The following CDH12 variants were observed in gnomAD, a reference collection of about 807,000 sequenced individuals.
CDH12 encodes cadherin 12.
In CDH12, 41 loss-of-function variants were observed where a neutral mutation model predicts 74.1. The ratio of observed to expected loss-of-function variants is 0.55; its 90% confidence interval spans 0.43 to 0.72. The LOEUF is 0.72. CDH12 is among the 30% of genes least tolerant of loss of function. The pLI is 0.00. For synonymous variants in CDH12, 399 were observed against 355.0 expected (o/e 1.12, Z -1.39); for missense variants, 945 against 977.2 (o/e 0.97, Z 0.44).
chr5:22,257,217 T>C lies in CDH12; in HGVS notation c.-332-44574A>G, dbSNP rs371458167. On this transcript the variant is annotated intron_variant, in intron 3 of 14. Transcript: ENST00000382254. ...GGCAGAGAACCAGGTAAAATAACTG[T>C]TGGGTACTAAGCCTAATACCTGGGT... 2.0e-5 allele frequency among the ~76,000 whole-genome samples: 3 copies of C among 152,088 alleles called. No individual in the cohort carries two copies. The South Asian group carries it at 6.2e-4, about 31-fold the overall frequency.
At chr5:22,045,615 A>T (rs969997171) in intron 5 of CDH12, among the ~76,000 whole-genome samples, 1 of 151,852 alleles carries the variant, frequency 6.6e-6, no homozygotes, top group African/African-American at 2.4e-5. Context: ...AAAAAAAAAA[A>T]AACAATAAAA....
At chr5:22,520,253 T>C (rs935792077) in intron 1 of CDH12, among the ~76,000 whole-genome samples, 9 of 152,162 alleles carry the variant, frequency 5.9e-5, no homozygotes, top group Admixed American at 2.0e-4. Flanking sequence ...AAATTTATTT[T>C]TATTTACCTA....
intron 3 of CDH12, among the ~76,000 whole-genome samples, chr5:22,387,519 T>G (rs1258231476): frequency 6.6e-6 from 1 of 152,136 alleles, no homozygotes; most frequent in African/African-American, 2.4e-5. Flanking sequence ...CCTTAATGAC[T>G]GGTATTGACT....
At chr5:22,248,882 A>G (rs1753045338) in intron 3 of CDH12, among the ~76,000 whole-genome samples, 1 of 152,054 alleles carries the variant, frequency 6.6e-6, no homozygotes, top group African/African-American at 2.4e-5. Flanking sequence ...AAATAAATAT[A>G]AAAATATTCA....
At chr5:22,343,307 C>T (rs1739958750) in intron 3 of CDH12, among the ~76,000 whole-genome samples, 1 of 128,928 alleles carries the variant, frequency 7.8e-6, no homozygotes, top group African/African-American at 3.2e-5. Flanking sequence ...CACACACACA[C>T]ACACAGACAC....
chr5:21,774,944 C>T (rs1055064454), intron 11 of CDH12, among the ~76,000 whole-genome samples: 2 of 152,120 alleles, frequency 1.3e-5, no homozygotes, highest in Non-Finnish European at 2.9e-5. Context: ...AATCAGTGTT[C>T]CTTGGAGTTA....
intron 2 of CDH12, among the ~76,000 whole-genome samples, chr5:22,482,737 A>T (rs1034407662): frequency 1.3e-5 from 2 of 152,160 alleles, no homozygotes; most frequent in Admixed American, 1.3e-4. Flanking sequence ...TGTTTTACTC[A>T]CTATCGTATG....
intron 11 of CDH12, among the ~76,000 whole-genome samples, chr5:21,777,168 G>A (rs1745636379): frequency 6.6e-6 from 1 of 151,920 alleles, no homozygotes; most frequent in African/African-American, 2.4e-5. Flanking sequence ...ATGTACAAGG[G>A]AAATTATCAA....
At chr5:22,374,444 G>C (rs1168525015) in intron 3 of CDH12, among the ~76,000 whole-genome samples, 1 of 152,046 alleles carries the variant, frequency 6.6e-6, no homozygotes, top group Non-Finnish European at 1.5e-5. Context: ...AATATGTACT[G>C]GAAATCCTAG....
intron 1 of CDH12, among the ~76,000 whole-genome samples, chr5:22,514,015 A>G: frequency 6.6e-6 from 1 of 151,276 alleles, no homozygotes; most frequent in Non-Finnish European, 1.5e-5. Flanking sequence ...AAGTAGATAC[A>G]TTTTTAAGTA....
chr5:21,821,656 A>C (rs2149952582), intron 8 of CDH12, among the ~76,000 whole-genome samples: 1 of 152,086 alleles, frequency 6.6e-6, no homozygotes, highest in South Asian at 2.1e-4. Flanking sequence ...AGAACAAATT[A>C]TTTCAAATTG....
intron 4 of CDH12, among the ~76,000 whole-genome samples, chr5:22,144,723 C>A (rs1260756355): frequency 6.6e-6 from 1 of 151,820 alleles, no homozygotes; most frequent in African/African-American, 2.4e-5. Flanking sequence ...GCAGTCTTTC[C>A]ACATTTTGAC....
intron 3 of CDH12, among the ~76,000 whole-genome samples, chr5:22,335,693 C>G (rs1386452468): frequency 6.6e-6 from 1 of 152,164 alleles, no homozygotes; most frequent in Non-Finnish European, 1.5e-5. Context: ...TTGCCTTCCA[C>G]CATGTTTGTG....
chr5:21,751,856 A>T lies in CDH12; in HGVS notation c.2266T>A (p.Ser756Thr). 1 of 1,613,750 alleles carries T rather than the reference A, an allele frequency of 6.2e-7. No individual in the cohort carries two copies. Among genetic ancestry groups the T allele is most frequent in the African/African-American group, 1.3e-5 (1 of 74,894 alleles). Residue 756 changes from serine (S) to threonine (T), a missense_variant, in exon 15 of 15, where the codon TCT (serine) becomes ACT (threonine). By Grantham distance (58) the Ser-to-Thr change is moderately conservative (BLOSUM62 1). This residue lies in a region of CDH12 where 791 missense variants were observed against 792.8 expected (regional missense o/e 1.00). Coordinates refer to ENST00000382254, the MANE Select transcript of CDH12 (RefSeq NM_004061.5). ...TCCTGGTCGGCTTCTGTGGTGAGAGAGTCTATAGAGCTGAGGGACTCTGCC... is the reference window on the plus strand; with the variant it reads ...TCCTGGTCGGCTTCTGTGGTGAGAGTGTCTATAGAGCTGAGGGACTCTGCC... ...SVAESLSSID[S>T]LTTEADQDYD...
intron 5 of CDH12, among the ~76,000 whole-genome samples, chr5:21,999,603 T>C (rs1447426460): frequency 6.6e-6 from 1 of 152,094 alleles, no homozygotes; most frequent in Non-Finnish European, 1.5e-5. Flanking sequence ...TGAGTATTAG[T>C]GAACAATATC....
intron 2 of CDH12, among the ~76,000 whole-genome samples, chr5:22,459,461 T>C (rs149579686): frequency 2.6e-5 from 4 of 152,204 alleles, no homozygotes; most frequent in African/African-American, 9.6e-5. Context: ...CAGGCAAATT[T>C]ACTGTGTGAG....
In CDH12 at chr5:21,755,573, A is replaced by T; in HGVS notation, c.1885+18T>A. 6.2e-7 allele frequency: 1 copy of T among 1,603,442 alleles called. No homozygotes were observed. The highest frequency in any genetic ancestry group is 1.7e-5 in the Admixed American group (1 of 59,656). ...AGAGAGCGAGAAAAAATTAACAATG[A>T]TTAATATTGAAACCAACCTAAGAGT... On this transcript the variant is annotated intron_variant, in intron 14 of 14. Transcript: ENST00000382254.
intron 1 of CDH12, among the ~76,000 whole-genome samples, chr5:22,683,502 C>T (rs1362760402): frequency 6.6e-6 from 1 of 152,116 alleles, no homozygotes; most frequent in Non-Finnish European, 1.5e-5. Flanking sequence ...ATGCTTATAA[C>T]AGATATATGC....
At chr5:22,715,740 G>A (rs1286058939) in intron 1 of CDH12, among the ~76,000 whole-genome samples, 1 of 150,402 alleles carries the variant, frequency 6.6e-6, no homozygotes, top group Non-Finnish European at 1.5e-5. Flanking sequence ...GGCAGAGGTT[G>A]TAGTGAACCA....
Sources: allele counts gnomAD v4.1 joint callset (sites outside exome capture counted in the v4.1 genomes callset), GRCh38; gene constraint gnomAD v4.1.1; regional missense constraint gnomAD v4.1.1; transcripts MANE v1.5; gene names NCBI Gene and HGNC (gene_info 2026-07-23, HGNC 2026-07-21).